The following BLTP1 variants were observed in gnomAD, a reference collection of about 807,000 sequenced individuals.
BLTP1 encodes bridge-like lipid transfer protein family member 1, also known as fragile site-associated protein.
At chr4:122,327,323 C>T in the BLTP1 span, among the ~76,000 whole-genome samples, 1 of 151,670 alleles carries the variant, frequency 6.6e-6, no homozygotes. Context: ...CATACATCCT[C>T]CCATATACAT....
chr4:122,266,715 C>T, the BLTP1 span: 1 of 1,371,432 alleles, frequency 7.3e-7, no homozygotes, highest in South Asian at 1.6e-5. Flanking sequence ...CTGCATTTTC[C>T]TACATGTAAT....
the BLTP1 span, among the ~76,000 whole-genome samples, chr4:122,186,438 A>G: frequency 6.6e-6 from 1 of 151,980 alleles, no homozygotes; most frequent in African/African-American, 2.4e-5. Context: ...CTTGCACACA[A>G]ATCCTACTTT....
chr4:122,276,651 T>C, the BLTP1 span: 5 of 962,144 alleles, frequency 5.2e-6, no homozygotes, highest in African/African-American at 1.8e-5. Context: ...ATTATTATAA[T>C]GTTAGAAATG....
the BLTP1 span, chr4:122,340,700 A>C: frequency 1.0e-6 from 1 of 983,898 alleles, no homozygotes; most frequent in Non-Finnish European, 1.2e-6. Flanking sequence ...TAATGTGGTC[A>C]CCCATTATCT....
At chr4:122,235,253 G>A in the BLTP1 span, 3 of 662,296 alleles carry the variant, frequency 4.5e-6, no homozygotes, top group East Asian at 1.4e-4. Flanking sequence ...TTCTGTTGAC[G>A]TGGGTGGCTT....
At chr4:122,210,900 A>C in the BLTP1 span, 1 of 1,612,854 alleles carries the variant, frequency 6.2e-7, no homozygotes, top group Non-Finnish European at 8.5e-7. Flanking sequence ...CAGAAATGGA[A>C]GAGACAATGC....
At chr4:122,354,533 C>T in the BLTP1 span, among the ~76,000 whole-genome samples, 2 of 150,380 alleles carry the variant, frequency 1.3e-5, no homozygotes, top group African/African-American at 2.5e-5. Flanking sequence ...GTCATGATAA[C>T]TTATTTTGTG....
At chr4:122,335,257 C>A in the BLTP1 span, among the ~76,000 whole-genome samples, 1 of 152,040 alleles carries the variant, frequency 6.6e-6, no homozygotes, top group Non-Finnish European at 1.5e-5. Flanking sequence ...GCTGCATTAT[C>A]TCTTATGGCT....
At chr4:122,247,260 T>G in the BLTP1 span, 1 of 1,613,576 alleles carries the variant, frequency 6.2e-7, no homozygotes, top group Non-Finnish European at 8.5e-7. Flanking sequence ...CATCTGGATC[T>G]CTCAGATCAA....
chr4:122,262,052 G>A, the BLTP1 span: 2 of 965,302 alleles, frequency 2.1e-6, no homozygotes, highest in Non-Finnish European at 2.5e-6. Flanking sequence ...GTAAAAAAAT[G>A]CAGGGAAGGT....
At chr4:122,162,745 A>C in the BLTP1 span, 1 of 550,642 alleles carries the variant, frequency 1.8e-6, no homozygotes, top group East Asian at 1.5e-4. Context: ...CAAAAAAAAA[A>C]CTGGGAGTAA....
the BLTP1 span, chr4:122,306,631 TCC>T: frequency 3.2e-6 from 3 of 940,632 alleles, no homozygotes; most frequent in Non-Finnish European, 3.8e-6. Context: ...CCTAGAACAG[TCC>T]CTGGCATACA....
At chr4:122,347,373 A>T in the BLTP1 span, 6 of 1,291,700 alleles carry the variant, frequency 4.6e-6, no homozygotes, top group Non-Finnish European at 6.2e-6. Context: ...TTCTTTGCAA[A>T]CTGTAAATTG....
At chr4:122,268,684 C>T in the BLTP1 span, among the ~76,000 whole-genome samples, 17 of 152,150 alleles carry the variant, frequency 1.1e-4, no homozygotes, top group South Asian at 1.4e-3. Context: ...GCTGCATTTT[C>T]ATCTTTGTTG....
chr4:122,305,131 T>C, the BLTP1 span: 1 of 1,302,042 alleles, frequency 7.7e-7, no homozygotes, highest in Non-Finnish European at 9.9e-7. Context: ...TGAAAACTCA[T>C]TTACCTTGGC....
chr4:122,160,953 C>A, the BLTP1 span: 1 of 161,754 alleles, frequency 6.2e-6, no homozygotes, highest in Non-Finnish European at 1.3e-5. Flanking sequence ...TGGTCTGCAA[C>A]ATTTAATATT....
At chr4:122,362,224 G>A in the BLTP1 span, 1 of 1,612,652 alleles carries the variant, frequency 6.2e-7, no homozygotes, top group South Asian at 1.1e-5. Flanking sequence ...GGAAAAGAAA[G>A]GCAAAGACAA....
the BLTP1 span, among the ~76,000 whole-genome samples, chr4:122,154,706 T>A: frequency 6.6e-6 from 1 of 152,130 alleles, no homozygotes; most frequent in Non-Finnish European, 1.5e-5. Flanking sequence ...ACCCCGTGTC[T>A]ACTAAAAATA....
At chr4:122,196,322 AT>A in the BLTP1 span, among the ~76,000 whole-genome samples, 1 of 152,128 alleles carries the variant, frequency 6.6e-6, no homozygotes, top group East Asian at 1.9e-4. Context: ...TGGAATGATG[AT>A]TTTAATTAAG....
Sources: gnomAD v4.1 joint callset for allele counts (sites outside exome capture counted in the v4.1 genomes callset) on GRCh38, gnomAD v4.1.1 for gene constraint, MANE v1.5 for transcripts, NCBI Gene and HGNC (gene_info 2026-07-23, HGNC 2026-07-21) for gene names.